The following RHOBTB2 variants were observed in gnomAD, a reference collection of about 807,000 sequenced individuals.
The protein encoded by RHOBTB2 is Rho related BTB domain containing 2.
RHOBTB2 carries 39 observed loss-of-function variants against 66.5 expected under a neutral mutation model. The observed-to-expected ratio is 0.59, with a 90% CI of 0.45 to 0.77. RHOBTB2 has a LOEUF of 0.77. RHOBTB2 is among the 30% of genes least tolerant of loss of function. RHOBTB2 has a pLI of 0.00. For missense variants in RHOBTB2, 755 were observed against 999.1 expected (o/e 0.76, Z 3.29); for synonymous variants, 390 against 395.0 (o/e 0.99, Z 0.15).
intron 7 of RHOBTB2, among the ~76,000 whole-genome samples, chr8:23,011,708 G>A (rs369408863): frequency 5.9e-5 from 9 of 152,296 alleles, no homozygotes; most frequent in South Asian, 2.1e-4. Flanking sequence ...CGTTCATGTT[G>A]GAGTTGGCAC....
rs747819704 is a variant in RHOBTB2 at position 23,008,004 on chromosome 8, A to T, written c.1513A>T (p.Ile505Phe). 6.2e-7 allele frequency: 1 copy of T among 1,613,684 alleles called. No individual in the cohort carries two copies. Among genetic ancestry groups the T allele is most frequent in the Non-Finnish European group, 8.5e-7 (1 of 1,179,788 alleles). Residue 505 changes from isoleucine (I) to phenylalanine (F), a missense_variant, in exon 6 of 10, where the codon ATC becomes TTC. Coordinates refer to ENST00000251822, the MANE Select transcript of RHOBTB2 (RefSeq NM_015178.3). ...CTTCTTCTGGACAGATGTGACCTTC[A>T]TCCTGGATGATGGCACCATCAGCGC... ...AKGTFSDVTFILDDGTISAHK... is the reference protein window; with the variant it reads ...AKGTFSDVTFFLDDGTISAHK...
At chr8:22,994,645 T>A (rs763043779), upstream of RHOBTB2, 4 of 1,549,750 alleles carry the variant, frequency 2.6e-6, no homozygotes, top group Non-Finnish European at 2.6e-6. Context: ...AGCATGTGAG[T>A]AGCTACTGTG....
chr8:22,981,106 T>C, the RHOBTB2 span, among the ~76,000 whole-genome samples: 1 of 152,252 alleles, frequency 6.6e-6, no homozygotes, highest in African/African-American at 2.4e-5. Context: ...TATACAAGTA[T>C]TTTCCAGAAT....
intron 1 of RHOBTB2, among the ~76,000 whole-genome samples, chr8:23,000,962 AG>A (rs1309431568): frequency 9.2e-6 from 1 of 109,112 alleles, no homozygotes; most frequent in Non-Finnish European, 1.8e-5. Context: ...TGGGAGGGAA[AG>A]GGGCCCTTTC....
At chr8:23,005,311 T>C in intron 2 of RHOBTB2, 61 bp from the exon 3 acceptor site, 3 of 1,249,226 alleles carry the variant, frequency 2.4e-6, no homozygotes, top group Admixed American at 1.7e-5. Context: ...TATCCTGAGG[T>C]GGCACGCAGA....
chr8:22,993,978 CA>C (rs1810484183), intron 2 of RHOBTB2, among the ~76,000 whole-genome samples: 1 of 152,198 alleles, frequency 6.6e-6, no homozygotes, highest in African/African-American at 2.4e-5. Flanking sequence ...ACTCTCTCTC[CA>C]AAAAATACCT....
At chr8:22,953,562 T>C in the RHOBTB2 span, among the ~76,000 whole-genome samples, 1 of 152,014 alleles carries the variant, frequency 6.6e-6, no homozygotes, top group Admixed American at 6.6e-5. Context: ...ACCCATAACA[T>C]ATCTCTCAGT....
intron 1 of RHOBTB2, among the ~76,000 whole-genome samples, chr8:22,988,153 C>CTTTTTTTTTTTTTTTTTTTTT (rs34922844): frequency 1.3e-5 from 1 of 78,112 alleles, no homozygotes; most frequent in Non-Finnish European, 2.5e-5. Flanking sequence ...GCTCCTTCCC[C>CTTTTTTTTTTTTTTTTTTTTT]TTTTTTTTTT....
chr8:22,991,644 A>T (rs1024059562), intron 1 of RHOBTB2, among the ~76,000 whole-genome samples: 40 of 151,774 alleles, frequency 2.6e-4, no homozygotes, highest in African/African-American at 5.1e-4. Flanking sequence ...TCAGCTCCTG[A>T]CTCCACTCCA....
Position 23,007,450 on chromosome 8 carries a change from A to G in RHOBTB2, c.1205A>G (p.Glu402Gly), listed in dbSNP as rs760369594. The change falls in exon 5 of 10, where the codon GAA (glutamate) becomes GGA (glycine). Residue 402 changes from glutamate to glycine, a missense_variant. Transcript: ENST00000251822. ...GTGAGCATCCAGGAAGAGATGGCAG[A>G]AGATCCTCTCACCTACAAATCCCGG... ...AFVSIQEEMA[E>G]DPLTYKSRLM... The G allele has an allele frequency of 6.2e-7, 1 of 1,614,182 alleles. No individual in the cohort carries two copies. The highest frequency in any genetic ancestry group is 8.5e-7 in the Non-Finnish European group (1 of 1,180,030).
chr8:22,996,001 C>T (rs1810542668), upstream of RHOBTB2: 2 of 923,580 alleles, frequency 2.2e-6, no homozygotes, highest in East Asian at 5.2e-5. Context: ...AAGGGGCCTT[C>T]ACAGCCACAG....
At chr8:22,983,346 A>C (rs1478529662), upstream of RHOBTB2, among the ~76,000 whole-genome samples, 1 of 151,886 alleles carries the variant, frequency 6.6e-6, no homozygotes, top group Non-Finnish European at 1.5e-5. Flanking sequence ...TAAAAAAAAA[A>C]AAAACAAAAA....
chr8:22,965,437 A>G, the RHOBTB2 span, among the ~76,000 whole-genome samples: 1 of 152,218 alleles, frequency 6.6e-6, no homozygotes, highest in African/African-American at 2.4e-5. Context: ...AAATTGTAAA[A>G]TTCATATAGA....
intron 6 of RHOBTB2, among the ~76,000 whole-genome samples, chr8:23,009,520 A>G (rs1276263101): frequency 1.3e-5 from 2 of 152,146 alleles, no homozygotes; most frequent in African/African-American, 4.8e-5. Flanking sequence ...CTGAACGTCC[A>G]CACCGTTTCC....
the RHOBTB2 span, among the ~76,000 whole-genome samples, chr8:22,953,433 G>A: frequency 7.2e-5 from 11 of 152,142 alleles, no homozygotes; most frequent in African/African-American, 2.7e-4. Context: ...GGTGGGGTTG[G>A]GGTGGGAGGG....
rs1200729159 is a variant in RHOBTB2 at position 23,018,381 on chromosome 8, A to G, written c.*912A>G. On this transcript the variant is annotated 3_prime_UTR_variant, in exon 10 of 10. Transcript: ENST00000251822. ...ACCAATGACAACCAAACTGAAACCG[A>G]AACGAAAAATCAACAAACACTCTGT... 6.6e-6 allele frequency: 1 copy of G among 152,544 alleles called. No individual in the cohort carries two copies. Among genetic ancestry groups the G allele is most frequent in the African/African-American group, 2.4e-5 (1 of 41,460 alleles). 9.4% of individuals were successfully genotyped at this position (152,544 alleles called of 1,614,324 possible).
upstream of RHOBTB2, among the ~76,000 whole-genome samples, chr8:22,982,433 C>A (rs1810227732): frequency 6.6e-6 from 1 of 151,958 alleles, no homozygotes; most frequent in African/African-American, 2.4e-5. Context: ...ACCAGCCTGG[C>A]CAACATGGAG....
chr8:23,005,344 G>A lies in RHOBTB2; in HGVS notation c.193-28G>A, dbSNP rs778463936. The A allele has an allele frequency of 4.1e-5, 65 of 1,569,796 alleles. No individual in the cohort carries two copies. In the East Asian group the frequency reaches 1.2e-3, roughly 28 times the overall value. Reference sequence around the variant, plus strand: ...AGAGGTCCCCAAAACTGCTGCCTTCGAGTCCCACTCTTCCTCCCCGTCCCC... The same window carrying A: ...AGAGGTCCCCAAAACTGCTGCCTTCAAGTCCCACTCTTCCTCCCCGTCCCC... On this transcript the variant is annotated intron_variant, in intron 2 of 9. Transcript: ENST00000251822.
At chr8:22,953,452 C>T in the RHOBTB2 span, among the ~76,000 whole-genome samples, 4 of 152,230 alleles carry the variant, frequency 2.6e-5, no homozygotes, top group African/African-American at 9.6e-5. Flanking sequence ...GGACCCTCTC[C>T]TGCCCTGCTC....
Sources: allele counts gnomAD v4.1 joint callset (sites outside exome capture counted in the v4.1 genomes callset), GRCh38; gene constraint gnomAD v4.1.1; transcripts MANE v1.5; gene names NCBI Gene and HGNC (gene_info 2026-07-23, HGNC 2026-07-21).